The following CARM1 variants were observed in gnomAD, a reference collection of about 807,000 sequenced individuals.
The protein encoded by CARM1 is coactivator associated arginine methyltransferase 1, also known as histone-arginine methyltransferase CARM1.
A neutral mutation model predicts 72.7 loss-of-function variants in CARM1; 14 were observed. The ratio of observed to expected loss-of-function variants is 0.19; its 90% CI spans 0.13 to 0.30. The LOEUF (loss-of-function observed/expected upper bound fraction) is 0.30, where lower values mean the gene tolerates loss of function less well. Ranked by LOEUF, CARM1 falls within the 10% of genes least tolerant of loss-of-function variation. CARM1 has a pLI of 1.00. For synonymous variants in CARM1, 333 were observed against 345.5 expected (o/e 0.96, Z 0.40); for missense variants, 432 against 833.7 (o/e 0.52, Z 5.93).
chr19:10,916,553 G>A lies in CARM1; in HGVS notation c.938+56G>A, dbSNP rs532105765. 120 of 1,458,418 alleles carry A rather than the reference G, an allele frequency of 8.2e-5. No individual in the cohort carries two copies. The highest frequency in any genetic ancestry group is 1.1e-4 in the Non-Finnish European group (115 of 1,041,416). 90.3% of individuals were successfully genotyped at this position (1,458,418 alleles called of 1,614,324 possible). A position where few individuals can be genotyped will look rare whatever the true frequency, so the allele number is the denominator to read the frequency against. On this transcript the variant is annotated intron_variant, in intron 7 of 15. Transcript: ENST00000327064. The surrounding 1 kb of genome is among the most constrained non-coding windows in gnomAD (Gnocchi z 4.4). ...CCCACAGCCTGCCTTCTCAGGGACA[G>A]CCCCAGCTCCCCAGAGAGCCTGCAC...
Position 10,871,971 on chromosome 19 carries a change from G to A in CARM1, c.220+49G>A. ...GCGCAGGGCCGGGGCTGCTCACGAGGCCGGCCCGGGGCGGGGGCCGGCGGG... is the reference window on the plus strand; with the variant it reads ...GCGCAGGGCCGGGGCTGCTCACGAGACCGGCCCGGGGCGGGGGCCGGCGGG... On this transcript the variant is annotated intron_variant, in intron 1 of 15. Coordinates refer to ENST00000327064, the MANE Select transcript of CARM1 (RefSeq NM_199141.2). The surrounding 1 kb of genome is among the most constrained non-coding windows in gnomAD (Gnocchi z 5.6). 1 of 1,163,820 alleles carries A rather than the reference G, an allele frequency of 8.6e-7. No homozygotes were observed. 72.1% of individuals were successfully genotyped at this position (1,163,820 alleles called of 1,614,324 possible). A position where few individuals can be genotyped will look rare whatever the true frequency, so the allele number is the denominator to read the frequency against.
intron 1 of CARM1, among the ~76,000 whole-genome samples, chr19:10,900,660 G>A (rs1860957320): frequency 6.6e-6 from 1 of 151,970 alleles, no homozygotes; most frequent in South Asian, 2.1e-4. Context: ...ACGAGTGTCT[G>A]TTGGTTTTTT....
At chr19:10,893,528 T>G (rs889155886) in intron 1 of CARM1, among the ~76,000 whole-genome samples, 2 of 151,724 alleles carry the variant, frequency 1.3e-5, no homozygotes, top group East Asian at 3.9e-4. Context: ...TTAGTAGAGA[T>G]AGGTTTTCAC....
intron 14 of CARM1, 89 bp downstream of exon 14, chr19:10,921,216 C>G: frequency 6.8e-7 from 1 of 1,473,134 alleles, no homozygotes; most frequent in Non-Finnish European, 9.5e-7. Flanking sequence ...CAGGGTCGGC[C>G]TCTGCTTGGT....
chr19:10,903,247 C>T (rs984268928), intron 1 of CARM1, among the ~76,000 whole-genome samples: 1 of 152,172 alleles, frequency 6.6e-6, no homozygotes, highest in Non-Finnish European at 1.5e-5. Flanking sequence ...AGTACCACTA[C>T]ACTGTTTTCA....
chr19:10,916,856 G>A lies in CARM1; in HGVS notation c.1020+79G>A, dbSNP rs545880753. The stretch of plus-strand genomic sequence containing the variant: ...GCTGTGCAGCCCTCAGGAAGCTACA[G>A]CCCCTCTCTGAGCCCTCTCCTCTGC... On this transcript the variant is annotated intron_variant, in intron 8 of 15. Coordinates refer to ENST00000327064, the MANE Select transcript of CARM1 (RefSeq NM_199141.2). This position sits in a 1 kb window ranked among gnomAD's most constrained non-coding sequence, Gnocchi z 4.4. The A allele has an allele frequency of 1.8e-6, 2 of 1,110,056 alleles. No individual in the cohort carries two copies. Among genetic ancestry groups the A allele is most frequent in the African/African-American group, 1.5e-5 (1 of 64,728 alleles). 68.8% of individuals were successfully genotyped at this position (1,110,056 alleles called of 1,614,324 possible).
At chr19:10,893,243 G>A (rs2074000766) in intron 1 of CARM1, among the ~76,000 whole-genome samples, 1 of 151,682 alleles carries the variant, frequency 6.6e-6, no homozygotes, top group African/African-American at 2.4e-5. Context: ...CACCATGTTG[G>A]CCAGGCTGGT....
intron 1 of CARM1, among the ~76,000 whole-genome samples, chr19:10,889,757 G>A (rs1406392581): frequency 6.6e-6 from 1 of 152,162 alleles, no homozygotes; most frequent in Admixed American, 6.5e-5. Flanking sequence ...GGCCTTTTGG[G>A]CCAGCAGAAG....
At chr19:10,880,343 A>AT (rs923944270) in intron 1 of CARM1, among the ~76,000 whole-genome samples, 5 of 150,844 alleles carry the variant, frequency 3.3e-5, no homozygotes, top group African/African-American at 7.3e-5. Context: ...CAGAGCTAGG[A>AT]TTTTTTTTTC....
chr19:10,919,966 T>C lies in CARM1; in HGVS notation c.1196T>C (p.Ile399Thr), dbSNP rs779329801. 9 of 1,612,434 alleles carry C rather than the reference T, an allele frequency of 5.6e-6. No homozygotes were observed. In the South Asian group the frequency reaches 6.6e-5, roughly 12 times the overall value. Residue 399 changes from isoleucine (I) to threonine (T), a missense_variant and splice_region_variant, in exon 10 of 16, where the codon ATA (isoleucine) becomes ACA (threonine). Coordinates refer to ENST00000327064, the MANE Select transcript of CARM1 (RefSeq NM_199141.2). ...TTTGACGTTGCTTTCATCGGCTCCATGTGAGTGCCGCAGAGCAGCCCATGC... is the reference window on the plus strand; with the variant it reads ...TTTGACGTTGCTTTCATCGGCTCCACGTGAGTGCCGCAGAGCAGCCCATGC... ...FWFDVAFIGS[I>T]MTVWLSTAPT... is the part of the protein sequence containing the mutation.
intron 1 of CARM1, among the ~76,000 whole-genome samples, chr19:10,888,517 T>G (rs2073957816): frequency 6.6e-6 from 1 of 152,144 alleles, no homozygotes; most frequent in African/African-American, 2.4e-5. Context: ...TGGGGCTCCA[T>G]AAATCACAGC....
At chr19:10,886,270 G>A (rs1305835627) in intron 1 of CARM1, among the ~76,000 whole-genome samples, 1 of 151,584 alleles carries the variant, frequency 6.6e-6, no homozygotes, top group Non-Finnish European at 1.5e-5. Flanking sequence ...TGGTCAGGCT[G>A]GTTTCGAACT....
chr19:10,902,758 G>T (rs969848469), intron 1 of CARM1, among the ~76,000 whole-genome samples: 4 of 151,854 alleles, frequency 2.6e-5, no homozygotes, highest in African/African-American at 4.8e-5. Context: ...ACAGGCGCAT[G>T]CCACTACACC....
At chr19:10,891,690 G>GC (rs960618498) in intron 1 of CARM1, among the ~76,000 whole-genome samples, 3 of 152,146 alleles carry the variant, frequency 2.0e-5, no homozygotes, top group African/African-American at 7.2e-5. Context: ...CGGCCCTCCC[G>GC]CCCCCAGCCT....
At chr19:10,876,257 C>T (rs2073863927) in intron 1 of CARM1, among the ~76,000 whole-genome samples, 1 of 152,106 alleles carries the variant, frequency 6.6e-6, no homozygotes, top group Non-Finnish European at 1.5e-5. Context: ...AACTCCTGGG[C>T]TCAAGCAGTC....
chr19:10,904,912 A>AG, intron 1 of CARM1, 39 bp from the exon 2 acceptor site: 1 of 1,598,100 alleles, frequency 6.3e-7, no homozygotes, highest in Non-Finnish European at 8.6e-7. Flanking sequence ...GGCAGCTGAC[A>AG]GGGCTGCACC....
intron 1 of CARM1, among the ~76,000 whole-genome samples, chr19:10,889,824 AC>A (rs1430067319): frequency 6.6e-6 from 1 of 152,154 alleles, no homozygotes; most frequent in Admixed American, 6.6e-5. Flanking sequence ...AATGCAGCCA[AC>A]ACCTGTGCAC....
At chr19:10,892,312 TGATGTGCTGGG>T (rs1486852863) in intron 1 of CARM1, among the ~76,000 whole-genome samples, 2 of 152,236 alleles carry the variant, frequency 1.3e-5, no homozygotes, top group Non-Finnish European at 2.9e-5. Flanking sequence ...GACATAGTTC[TGATGTGCTGGG>T]GAAGTGCCCG....
intron 1 of CARM1, among the ~76,000 whole-genome samples, chr19:10,887,047 C>G (rs2073947445): frequency 6.6e-6 from 1 of 152,348 alleles, no homozygotes; most frequent in East Asian, 1.9e-4. Flanking sequence ...GCCCAGCTCA[C>G]TCCCTAATTT....
Sources: allele counts gnomAD v4.1 joint callset (sites outside exome capture counted in the v4.1 genomes callset), GRCh38; gene constraint gnomAD v4.1.1; non-coding constraint Gnocchi (gnomAD v3.1); transcripts MANE v1.5; gene names NCBI Gene and HGNC (gene_info 2026-07-23, HGNC 2026-07-21).